The following SETD5 variants were observed in gnomAD, a reference collection of about 807,000 sequenced individuals.
SETD5 encodes the protein SET domain containing 5, also known as histone-lysine N-methyltransferase SETD5.
A neutral mutation model predicts 153.3 loss-of-function variants in SETD5; 44 were observed. That is an observed-to-expected ratio of 0.29 (90% CI 0.23 to 0.37). The LOEUF (loss-of-function observed/expected upper bound fraction) is 0.37. Ranked by LOEUF, SETD5 falls within the 10% of genes least tolerant of loss-of-function variation. SETD5 has a pLI of 1.00. For missense variants in SETD5, 1,544 were observed against 1,768.0 expected (o/e 0.87, Z 2.27); for synonymous variants, 716 against 645.2 (o/e 1.11, Z -1.66).
Position 9,434,187 on chromosome 3 carries a change from A to G in SETD5, c.178-147A>G. On this transcript the variant is annotated intron_variant, in intron 4 of 22. Transcript: ENST00000402198. The surrounding 1 kb of genome is among the most constrained non-coding windows in gnomAD (Gnocchi z 5.6). Reference sequence around the variant, plus strand: ...TTGAAGCCAAAAAACAAAGGGTACTACTTTCTTCTTTCTTTCCATATGTAC... The same window carrying G: ...TTGAAGCCAAAAAACAAAGGGTACTGCTTTCTTCTTTCTTTCCATATGTAC... 6.5e-7 allele frequency: 1 copy of G among 1,549,040 alleles called. No individual in the cohort carries two copies. Among genetic ancestry groups the G allele is most frequent in the Non-Finnish European group, 8.7e-7 (1 of 1,144,300 alleles).
At chr3:9,449,659 C>T (rs2042401069) in intron 16 of SETD5, 1 of 152,138 alleles carries the variant, frequency 6.6e-6, no homozygotes, top group Non-Finnish European at 1.5e-5. Flanking sequence ...GAAGTTATTT[C>T]TCCGGGGGAG....
intron 1 of SETD5, among the ~76,000 whole-genome samples, chr3:9,417,958 TGAGACGGAGTCTTGCTCTGTCGCACAGG>T (rs2037775730): frequency 6.7e-6 from 1 of 149,128 alleles, no homozygotes; most frequent in East Asian, 2.0e-4. Flanking sequence ...TTTTTTTTTT[TGAGACGGAGTCTTGCTCTGTCGCACAGG>T]CTGGAGTGCA....
Position 9,434,454 on chromosome 3 carries a change from G to T in SETD5, c.298G>T (p.Asp100Tyr). ...CTGGTGTCCTTGTGGTCTTTCTCAG[G>T]ATGGCTTCCTTCTCAACTGTGACAA... ...PTWCPCGLSQ[D>Y]GFLLNCDKCR... is the part of the protein sequence containing the mutation. Residue 100 changes from aspartate (D) to tyrosine (Y), a missense_variant, in exon 5 of 23, where the codon GAT becomes TAT. Around this residue, in one of 9 missense-constraint regions of SETD5, gnomAD observed 251 missense variants for 326.9 expected, o/e 0.77. Transcript: ENST00000402198. This position sits in a 1 kb window ranked among gnomAD's most constrained non-coding sequence, Gnocchi z 5.6. The T allele has an allele frequency of 6.2e-7, 1 of 1,613,956 alleles. No individual in the cohort carries two copies. The highest frequency in any genetic ancestry group is 1.1e-5 in the South Asian group (1 of 91,078).
intron 1 of SETD5, among the ~76,000 whole-genome samples, chr3:9,416,129 C>G (rs575124776): frequency 7.4e-4 from 113 of 152,284 alleles, no homozygotes; most frequent in African/African-American, 2.6e-3. Context: ...TTATTATTGA[C>G]TCATTTTTCC....
At chr3:9,470,984 T>G (rs2045236249) in intron 19 of SETD5, 55 bp downstream of exon 19, 4 of 906,616 alleles carry the variant, frequency 4.4e-6, no homozygotes, top group Non-Finnish European at 6.6e-6. Context: ...CCAAGTAGTT[T>G]AGTAGATATT....
intron 9 of SETD5, 40 bp from the exon 10 acceptor site, chr3:9,442,084 CTTAT>C (rs754093791): frequency 7.3e-7 from 1 of 1,369,704 alleles, no homozygotes. Context: ...GGGTGGCCTT[CTTAT>C]TTGTGTTGAG....
At chr3:9,471,913 A>G (rs1286145957) in intron 19 of SETD5, among the ~76,000 whole-genome samples, 2 of 152,226 alleles carry the variant, frequency 1.3e-5, no homozygotes, top group Non-Finnish European at 2.9e-5. Flanking sequence ...TATTACCAGA[A>G]TTTATTAACT....
chr3:9,468,420 A>T, intron 18 of SETD5: 1 of 1,052,506 alleles, frequency 9.5e-7, no homozygotes, highest in Non-Finnish European at 1.3e-6. Flanking sequence ...CCCCGAAAAA[A>T]GTTATGGCTA....
intron 16 of SETD5, among the ~76,000 whole-genome samples, chr3:9,451,259 G>T (rs1326813000): frequency 2.6e-5 from 4 of 152,088 alleles, no homozygotes; most frequent in African/African-American, 9.7e-5. Context: ...AGTTGAACCG[G>T]GACTCGGTGA....
chr3:9,467,061 C>T (rs922371537), intron 18 of SETD5, among the ~76,000 whole-genome samples: 1 of 151,454 alleles, frequency 6.6e-6, no homozygotes, highest in African/African-American at 2.4e-5. Flanking sequence ...AGGCCAGGTA[C>T]AGTGGCACAC....
At chr3:9,433,306 G>A in intron 3 of SETD5, 1 of 1,115,906 alleles carries the variant, frequency 9.0e-7, no homozygotes, top group South Asian at 1.3e-5. Context: ...GGTGTTGGGG[G>A]TTCATCAAGA....
chr3:9,465,414 T>G (rs2044437098), intron 18 of SETD5, among the ~76,000 whole-genome samples: 1 of 152,228 alleles, frequency 6.6e-6, no homozygotes, highest in Admixed American at 6.5e-5. Flanking sequence ...TTAAAACACT[T>G]CATCTATTGC....
intron 18 of SETD5, among the ~76,000 whole-genome samples, chr3:9,468,333 T>C (rs2044869050): frequency 6.6e-6 from 1 of 152,190 alleles, no homozygotes; most frequent in African/African-American, 2.4e-5. Context: ...GGAAGCATTT[T>C]AACAAGTCAT....
chr3:9,468,245 C>T (rs534038187), intron 18 of SETD5, among the ~76,000 whole-genome samples: 1 of 152,088 alleles, frequency 6.6e-6, no homozygotes, highest in South Asian at 2.1e-4. Flanking sequence ...TAACTCTTTC[C>T]TTGTATGTGC....
intron 1 of SETD5, among the ~76,000 whole-genome samples, chr3:9,403,314 A>T (rs2035120113): frequency 6.6e-6 from 1 of 152,178 alleles, no homozygotes; most frequent in African/African-American, 2.4e-5. Context: ...CACACTCTGC[A>T]CCCTCCTAGG....
At chr3:9,410,172 T>C (rs1422051150) in intron 1 of SETD5, among the ~76,000 whole-genome samples, 1 of 152,226 alleles carries the variant, frequency 6.6e-6, no homozygotes, top group Non-Finnish European at 1.5e-5. Flanking sequence ...GCTACAAATC[T>C]GTGCAGCATG....
intron 2 of SETD5, among the ~76,000 whole-genome samples, chr3:9,427,916 C>G (rs562179801): frequency 8.5e-5 from 13 of 152,308 alleles, no homozygotes; most frequent in African/African-American, 3.1e-4. Flanking sequence ...ATTTCTGAGT[C>G]TTTCTGTTCC....
chr3:9,449,383 C>T (rs770006194), intron 16 of SETD5: 9 of 152,124 alleles, frequency 5.9e-5, no homozygotes, highest in Non-Finnish European at 1.2e-4. Context: ...TCTATGATGT[C>T]GTTTTCCATG....
At chr3:9,430,379 G>C (rs2039817995) in intron 3 of SETD5, 1 of 976,698 alleles carries the variant, frequency 1.0e-6, no homozygotes, top group Admixed American at 6.2e-5. Flanking sequence ...GAGAAAGGAG[G>C]GTTGGGGGTG....
Sources: gnomAD v4.1 joint callset for allele counts (sites outside exome capture counted in the v4.1 genomes callset) on GRCh38, gnomAD v4.1.1 for gene constraint, gnomAD v4.1.1 regional missense constraint, Gnocchi (gnomAD v3.1) non-coding constraint, MANE v1.5 for transcripts, NCBI Gene and HGNC (gene_info 2026-07-23, HGNC 2026-07-21) for gene names.